Variants in PDE1A observed in about 807,000 individuals in gnomAD.
PDE1A encodes the protein dual specificity calcium/calmodulin-dependent 3',5'-cyclic nucleotide phosphodiesterase 1A.
Under a neutral mutation model 61.7 loss-of-function variants are expected in PDE1A, and 35 were observed. That is an observed-to-expected ratio of 0.57 (90% CI 0.43 to 0.75). The LOEUF (loss-of-function observed/expected upper bound fraction) is 0.75. Ranked by LOEUF, PDE1A falls within the 30% of genes least tolerant of loss-of-function variation. The pLI is 0.00. For synonymous variants in PDE1A, 232 were observed against 213.2 expected (o/e 1.09, Z -0.77); for missense variants, 597 against 630.6 (o/e 0.95, Z 0.57).
intron 7 of PDE1A, among the ~76,000 whole-genome samples, chr2:182,221,289 T>C (rs1168699752): frequency 6.6e-6 from 1 of 152,064 alleles, no homozygotes; most frequent in Non-Finnish European, 1.5e-5. Flanking sequence ...GCAACTGGCA[T>C]TCACTGATAA....
At chr2:182,527,838 G>C (rs1229522699), upstream of PDE1A, among the ~76,000 whole-genome samples, 1 of 152,034 alleles carries the variant, frequency 6.6e-6, no homozygotes, top group Non-Finnish European at 1.5e-5. Context: ...AGTCTCATGA[G>C]ATCTCATAGT....
chr2:182,601,773 T>C, the PDE1A span, among the ~76,000 whole-genome samples: 7 of 152,158 alleles, frequency 4.6e-5, no homozygotes, highest in African/African-American at 1.7e-4. Flanking sequence ...CTGCAGCTCT[T>C]AGCAGAGTAG....
chr2:182,625,374 C>T, the PDE1A span, among the ~76,000 whole-genome samples: 2 of 152,180 alleles, frequency 1.3e-5, no homozygotes, highest in Non-Finnish European at 2.9e-5. Flanking sequence ...GGACTTGACA[C>T]GGGTACAGAG....
At chr2:182,270,885 T>G (rs886763058) in intron 1 of PDE1A, among the ~76,000 whole-genome samples, 2 of 151,786 alleles carry the variant, frequency 1.3e-5, no homozygotes, top group African/African-American at 2.4e-5. Flanking sequence ...AATAATGAAG[T>G]CTTATCTATT....
intron 2 of PDE1A, among the ~76,000 whole-genome samples, chr2:182,460,605 C>T (rs1339655321): frequency 1.3e-5 from 2 of 152,082 alleles, no homozygotes; most frequent in African/African-American, 4.8e-5. Flanking sequence ...CTAAAGATGA[C>T]TTTTCTTTCA....
At chr2:182,356,990 T>C (rs1224906697) in intron 1 of PDE1A, among the ~76,000 whole-genome samples, 4 of 151,694 alleles carry the variant, frequency 2.6e-5, no homozygotes, top group South Asian at 2.1e-4. Context: ...ATGAGAACAC[T>C]TGGACACAGG....
intron 1 of PDE1A, among the ~76,000 whole-genome samples, chr2:182,376,837 C>T (rs1700436011): frequency 6.6e-6 from 1 of 152,250 alleles, no homozygotes; most frequent in Non-Finnish European, 1.5e-5. Flanking sequence ...AGGAGCAAGT[C>T]ACATCTTATT....
the PDE1A span, among the ~76,000 whole-genome samples, chr2:182,563,177 TC>T: frequency 6.6e-6 from 1 of 152,212 alleles, no homozygotes; most frequent in Non-Finnish European, 1.5e-5. Context: ...TTTCCTGCTT[TC>T]TCTTGTGGGC....
chr2:182,344,422 T>C (rs1310916758), intron 1 of PDE1A, among the ~76,000 whole-genome samples: 1 of 152,142 alleles, frequency 6.6e-6, no homozygotes, highest in Non-Finnish European at 1.5e-5. Context: ...TTCCTAGCTA[T>C]TGTACTTAAT....
intron 1 of PDE1A, among the ~76,000 whole-genome samples, chr2:182,338,329 T>G (rs768084044): frequency 3.3e-5 from 5 of 152,204 alleles, no homozygotes; most frequent in Non-Finnish European, 7.3e-5. Flanking sequence ...AGGGACTTCA[T>G]GAAATGAGCG....
chr2:182,210,716 A>C (rs2125527679), intron 7 of PDE1A, among the ~76,000 whole-genome samples: 1 of 152,270 alleles, frequency 6.6e-6, no homozygotes, highest in South Asian at 2.1e-4. Context: ...ATATTTAAAA[A>C]GTCATCACCA....
At chr2:182,635,698 C>CTCTCTCTCTTCTA in the PDE1A span, among the ~76,000 whole-genome samples, 6 of 147,514 alleles carry the variant, frequency 4.1e-5, no homozygotes, top group Admixed American at 4.1e-4. Context: ...CTCTCTCTCT[C>CTCTCTCTCTTCTA]TCCACATATG....
the PDE1A span, among the ~76,000 whole-genome samples, chr2:182,696,965 T>C: frequency 7.4e-4 from 112 of 152,310 alleles, no homozygotes; most frequent in Admixed American, 1.9e-3. Flanking sequence ...TAAGCATTGA[T>C]TTTTATCTCT....
chr2:182,544,130 G>T, the PDE1A span, among the ~76,000 whole-genome samples: 1 of 152,198 alleles, frequency 6.6e-6, no homozygotes, highest in African/African-American at 2.4e-5. Flanking sequence ...GGTTCAAGTT[G>T]CAGGACTATC....
the PDE1A span, among the ~76,000 whole-genome samples, chr2:182,658,652 A>C: frequency 6.6e-6 from 1 of 152,252 alleles, no homozygotes; most frequent in South Asian, 2.1e-4. Flanking sequence ...GTACTCTATT[A>C]ATAAGCGTAA....
intron 2 of PDE1A, among the ~76,000 whole-genome samples, chr2:182,518,694 T>A: frequency 6.6e-6 from 1 of 152,158 alleles, no homozygotes; most frequent in East Asian, 1.9e-4. Context: ...TGGTGAGTAT[T>A]ACATTTTTGT....
At chr2:182,591,114 T>A in the PDE1A span, among the ~76,000 whole-genome samples, 1 of 152,232 alleles carries the variant, frequency 6.6e-6, no homozygotes, top group South Asian at 2.1e-4. Flanking sequence ...GGACCTATTC[T>A]TTTTAGAACT....
At chr2:182,573,033 C>A in the PDE1A span, among the ~76,000 whole-genome samples, 1 of 152,026 alleles carries the variant, frequency 6.6e-6, no homozygotes, top group East Asian at 1.9e-4. Flanking sequence ...TTTTAAATCC[C>A]CAATGAAATA....
rs960615152 is a variant in PDE1A, at chr2:182,374,058, A to G, written c.53+52520T>C. Among the ~76,000 whole-genome samples, 11 of 152,312 alleles carry G rather than the reference A, an allele frequency of 7.2e-5. No homozygotes were observed. The South Asian group carries it at 2.3e-3, about 32-fold the overall frequency. ...CCAAGTATTTGGTGAATGGTGGAGG[A>G]GAAATATTAGATAAAGTACTAATGT... On this transcript the variant is annotated intron_variant, in intron 1 of 13. Coordinates refer to ENST00000351439, the Ensembl canonical transcript of PDE1A.
Sources: gnomAD v4.1 joint callset for allele counts (sites outside exome capture counted in the v4.1 genomes callset) on GRCh38, gnomAD v4.1.1 for gene constraint, MANE v1.5 for transcripts, NCBI Gene and HGNC (gene_info 2026-07-23, HGNC 2026-07-21) for gene names.